The following FAAH2 variants were observed in gnomAD, a reference collection of about 807,000 sequenced individuals.
The protein encoded by FAAH2 is fatty-acid amide hydrolase 2.
Under a neutral mutation model 36.9 loss-of-function variants are expected in FAAH2, and 60 were observed. That is an observed-to-expected ratio of 1.63 (90% CI 1.32 to 2.02). The LOEUF (loss-of-function observed/expected upper bound fraction) is 2.02, where lower values mean the gene tolerates loss of function less well. FAAH2 is among the 30% of genes most tolerant of loss of function. The probability of loss-of-function intolerance (pLI) is 0.00; values close to 1 mark genes in which losing one functional copy is unlikely to be tolerated. For missense variants in FAAH2, 689 were observed against 397.5 expected (o/e 1.73, Z -6.23); for synonymous variants, 214 against 143.8 (o/e 1.49, Z -3.49).
chrX:57,172,129 T>C, the FAAH2 span, among the ~76,000 whole-genome samples: 5 of 112,149 alleles, frequency 4.5e-5, no homozygotes, highest in South Asian at 3.7e-4. Context: ...TTTATAGCAG[T>C]ACCATGCTGT....
At chrX:57,148,893 G>A in the FAAH2 span, among the ~76,000 whole-genome samples, 3 of 111,315 alleles carry the variant, frequency 2.7e-5, no homozygotes, top group African/African-American at 9.8e-5. Context: ...ACTGGCTGTG[G>A]GTTTGTCATA....
chrX:57,344,818 C>A (rs1583200), intron 5 of FAAH2, among the ~76,000 whole-genome samples: 59,300 of 110,327 alleles, frequency 0.54, 14,246 homozygotes, highest in Non-Finnish European at 0.75. Context: ...TTATTGAAGT[C>A]TCTTTCTGAA....
the FAAH2 span, among the ~76,000 whole-genome samples, chrX:57,156,582 CTG>C: frequency 2.7e-5 from 3 of 112,196 alleles, no homozygotes; most frequent in African/African-American, 9.7e-5. Context: ...CCTGTGGTGA[CTG>C]TAGCGATTTC....
At chrX:57,403,844 C>G (rs759571443) in intron 7 of FAAH2, among the ~76,000 whole-genome samples, 1 of 112,424 alleles carries the variant, frequency 8.9e-6, no homozygotes. Context: ...TTTAAATCCC[C>G]TGTTAGGAAA....
intron 4 of FAAH2, 41 bp from the exon 5 acceptor site, chrX:57,341,230 T>C: frequency 8.5e-7 from 1 of 1,172,950 alleles, no homozygotes; most frequent in Non-Finnish European, 1.1e-6. Flanking sequence ...GCAAATAGTA[T>C]ATTAGATTAT....
At chrX:57,213,472 A>C in the FAAH2 span, among the ~76,000 whole-genome samples, 1 of 111,815 alleles carries the variant, frequency 8.9e-6, no homozygotes, top group Non-Finnish European at 1.9e-5. Context: ...TTAATGCTAT[A>C]AACTTTCCTC....
chrX:57,195,614 C>T, the FAAH2 span, among the ~76,000 whole-genome samples: 1 of 111,544 alleles, frequency 9.0e-6, no homozygotes, highest in African/African-American at 3.3e-5. Flanking sequence ...TAATTAAGTC[C>T]CATCAATTTA....
chrX:57,133,525 C>T, the FAAH2 span, among the ~76,000 whole-genome samples: 2 of 110,985 alleles, frequency 1.8e-5, no homozygotes, highest in Non-Finnish European at 3.8e-5. Context: ...AGAGGGTATT[C>T]GGAGTCTAAA....
the FAAH2 span, among the ~76,000 whole-genome samples, chrX:57,233,631 T>C: frequency 8.1e-5 from 9 of 111,545 alleles, no homozygotes; most frequent in African/African-American, 2.9e-4. Flanking sequence ...AGCTTCCTTT[T>C]TGTTTTGTTT....
chrX:57,460,326 C>T (rs1031080903), intron 10 of FAAH2, among the ~76,000 whole-genome samples: 2 of 110,909 alleles, frequency 1.8e-5, no homozygotes, highest in African/African-American at 6.6e-5. Flanking sequence ...AGGTACTCCT[C>T]AAGAAGAGCA....
chrX:57,169,120 A>C, the FAAH2 span, among the ~76,000 whole-genome samples: 1 of 110,708 alleles, frequency 9.0e-6, no homozygotes, highest in Non-Finnish European at 1.9e-5. Flanking sequence ...AAAGAGGGAG[A>C]AAAGGAGAGC....
upstream of FAAH2, among the ~76,000 whole-genome samples, chrX:57,282,952 G>A (rs766816179): frequency 5.4e-5 from 6 of 112,051 alleles, no homozygotes; most frequent in Non-Finnish European, 1.1e-4. Flanking sequence ...AGGCAGCAGG[G>A]GACAAGACCT....
chrX:57,274,869 A>G, the FAAH2 span, among the ~76,000 whole-genome samples: 1 of 111,675 alleles, frequency 9.0e-6, no homozygotes, highest in Non-Finnish European at 1.9e-5. Context: ...CTCTCTCATC[A>G]CTCCTATTCA....
the FAAH2 span, among the ~76,000 whole-genome samples, chrX:57,182,440 C>G: frequency 2.7e-5 from 3 of 111,635 alleles, no homozygotes; most frequent in Non-Finnish European, 5.7e-5. Context: ...ATGCATGCAG[C>G]CAACAAGCAT....
At chrX:57,301,938 T>C (rs2052384443) in intron 2 of FAAH2, among the ~76,000 whole-genome samples, 1 of 112,386 alleles carries the variant, frequency 8.9e-6, no homozygotes. Context: ...CAGTTTCGTC[T>C]TATGCTCTGC....
chrX:57,203,285 T>C, the FAAH2 span, among the ~76,000 whole-genome samples: 1 of 112,516 alleles, frequency 8.9e-6, no homozygotes, highest in Non-Finnish European at 1.9e-5. Flanking sequence ...TGGCTAGTTA[T>C]CTGCAGCAGG....
chrX:57,185,474 GTCTC>G, the FAAH2 span, among the ~76,000 whole-genome samples: 1 of 97,773 alleles, frequency 1.0e-5, no homozygotes, highest in African/African-American at 4.1e-5. Flanking sequence ...TTTTTTCTCT[GTCTC>G]TCTCTGTCTC....
chrX:57,483,711 A>G (rs938344974), intron 10 of FAAH2, among the ~76,000 whole-genome samples: 3 of 106,163 alleles, frequency 2.8e-5, no homozygotes, highest in African/African-American at 1.0e-4. Context: ...CCTCCTGAGA[A>G]TGTTACTGTG....
intron 2 of FAAH2, among the ~76,000 whole-genome samples, chrX:57,296,105 T>G (rs186302552): frequency 8.9e-6 from 1 of 112,105 alleles, no homozygotes; most frequent in African/African-American, 3.2e-5. Context: ...AAGAGAGTAG[T>G]GGTTCTCCCA....
Sources: allele counts gnomAD v4.1 joint callset (sites outside exome capture counted in the v4.1 genomes callset), GRCh38; gene constraint gnomAD v4.1.1; transcripts MANE v1.5; gene names NCBI Gene and HGNC (gene_info 2026-07-23, HGNC 2026-07-21).